Variants in PPARGC1A observed in about 807,000 individuals in gnomAD.
PPARGC1A encodes peroxisome proliferator-activated receptor gamma coactivator 1-alpha.
In PPARGC1A, 25 loss-of-function variants were observed where a neutral mutation model predicts 88.7. The ratio of observed to expected loss-of-function variants is 0.28; its 90% CI spans 0.21 to 0.39. The LOEUF (loss-of-function observed/expected upper bound fraction) is 0.39. PPARGC1A is among the 10% of genes least tolerant of loss of function. PPARGC1A has a pLI of 1.00. For synonymous variants in PPARGC1A, 363 were observed against 355.6 expected, an observed-to-expected ratio of 1.02 and a Z score of -0.24; for missense variants, 880 against 968.7, an observed-to-expected ratio of 0.91 and a Z score of 1.22.
chr4:24,059,717 C>T, the PPARGC1A span, among the ~76,000 whole-genome samples: 192 of 152,342 alleles, frequency 1.3e-3, 3 homozygotes, highest in East Asian at 0.035. Context: ...TTTCCAACCA[C>T]ATTCGCAATT....
the PPARGC1A span, among the ~76,000 whole-genome samples, chr4:24,140,736 T>C: frequency 0.026 from 3,994 of 152,288 alleles, 172 homozygotes; most frequent in African/African-American, 0.091. Context: ...TTCAAACCCC[T>C]AGTTCCTCAT....
chr4:24,384,100 T>A, the PPARGC1A span, among the ~76,000 whole-genome samples: 1 of 152,218 alleles, frequency 6.6e-6, no homozygotes, highest in Non-Finnish European at 1.5e-5. Context: ...AAGAAAAGAA[T>A]TTTCAACCCA....
chr4:24,146,585 C>G, the PPARGC1A span, among the ~76,000 whole-genome samples: 1 of 152,212 alleles, frequency 6.6e-6, no homozygotes, highest in Non-Finnish European at 1.5e-5. Context: ...TATTAAAGAT[C>G]CAATCTGCAT....
the PPARGC1A span, among the ~76,000 whole-genome samples, chr4:24,272,882 C>T: frequency 1.3e-5 from 2 of 152,176 alleles, no homozygotes; most frequent in Admixed American, 1.3e-4. Flanking sequence ...AGATCTAATT[C>T]ACAGGTGTGA....
the PPARGC1A span, among the ~76,000 whole-genome samples, chr4:24,291,798 A>G: frequency 9.2e-5 from 14 of 152,360 alleles, no homozygotes; most frequent in East Asian, 1.9e-3. Flanking sequence ...GAAGAAAACC[A>G]TAAGTCAGAG....
the PPARGC1A span, among the ~76,000 whole-genome samples, chr4:24,415,793 A>T: frequency 6.6e-6 from 1 of 152,242 alleles, no homozygotes; most frequent in Non-Finnish European, 1.5e-5. Flanking sequence ...AAATTTATGT[A>T]AAATGTTTTA....
the PPARGC1A span, among the ~76,000 whole-genome samples, chr4:24,188,342 T>C: frequency 1.3e-5 from 2 of 152,096 alleles, no homozygotes; most frequent in Admixed American, 6.5e-5. Context: ...AAGGACTCCA[T>C]CTTCACATCA....
At chr4:24,285,267 T>C in the PPARGC1A span, among the ~76,000 whole-genome samples, 2 of 152,220 alleles carry the variant, frequency 1.3e-5, no homozygotes, top group African/African-American at 4.8e-5. Context: ...CATCAAGTCC[T>C]CCTCTTTCAA....
chr4:24,304,907 G>A, the PPARGC1A span, among the ~76,000 whole-genome samples: 1 of 152,010 alleles, frequency 6.6e-6, no homozygotes, highest in African/African-American at 2.4e-5. Context: ...AAGCCAACTT[G>A]CTCATTCAAT....
the PPARGC1A span, among the ~76,000 whole-genome samples, chr4:24,379,962 A>T: frequency 6.6e-6 from 1 of 151,754 alleles, no homozygotes; most frequent in Non-Finnish European, 1.5e-5. Flanking sequence ...ATTTTTAGTA[A>T]AGACAGGGTT....
chr4:23,987,027 A>T, the PPARGC1A span, among the ~76,000 whole-genome samples: 3 of 152,096 alleles, frequency 2.0e-5, no homozygotes, highest in Non-Finnish European at 4.4e-5. Flanking sequence ...GTAAATCCCC[A>T]GGTATCTAGG....
the PPARGC1A span, among the ~76,000 whole-genome samples, chr4:24,246,706 C>T: frequency 6.6e-6 from 1 of 152,262 alleles, no homozygotes; most frequent in Non-Finnish European, 1.5e-5. Flanking sequence ...GAGATTGTAA[C>T]ACTAGTTGGT....
At chr4:24,450,725 T>G in the PPARGC1A span, among the ~76,000 whole-genome samples, 1 of 152,238 alleles carries the variant, frequency 6.6e-6, no homozygotes, top group Non-Finnish European at 1.5e-5. Context: ...CACTGCATAT[T>G]CAGTCTGGGC....
intron 10 of PPARGC1A, among the ~76,000 whole-genome samples, chr4:23,812,074 C>T (rs1353650566): frequency 5.3e-5 from 8 of 151,280 alleles, no homozygotes; most frequent in South Asian, 2.1e-4. Flanking sequence ...TGCACCACCA[C>T]GCCTGGCTAA....
chr4:24,213,136 A>G, the PPARGC1A span, among the ~76,000 whole-genome samples: 5 of 149,322 alleles, frequency 3.3e-5, no homozygotes, highest in Admixed American at 6.7e-5. Context: ...CCCGAGTCTC[A>G]GCTGGTCAGG....
At chr4:24,463,768 G>C in the PPARGC1A span, among the ~76,000 whole-genome samples, 1 of 152,166 alleles carries the variant, frequency 6.6e-6, no homozygotes, top group Admixed American at 6.5e-5. Flanking sequence ...TTATGGAAAG[G>C]AGAGCAATGG....
chr4:24,089,042 A>G, the PPARGC1A span, among the ~76,000 whole-genome samples: 15 of 152,372 alleles, frequency 9.8e-5, no homozygotes, highest in African/African-American at 3.6e-4. Context: ...TCACACACAT[A>G]CAACTCCTAG....
the PPARGC1A span, among the ~76,000 whole-genome samples, chr4:24,416,341 C>T: frequency 1.3e-5 from 2 of 151,714 alleles, no homozygotes; most frequent in African/African-American, 4.8e-5. Context: ...AAAGCAGTGA[C>T]CTCAAAAGAT....
At chr4:24,220,532 C>A in the PPARGC1A span, among the ~76,000 whole-genome samples, 2 of 152,132 alleles carry the variant, frequency 1.3e-5, no homozygotes, top group African/African-American at 4.8e-5. Flanking sequence ...CTATGGAATA[C>A]CACACAGCCA....
Sources: gnomAD v4.1 joint callset for allele counts (sites outside exome capture counted in the v4.1 genomes callset) on GRCh38, gnomAD v4.1.1 for gene constraint, MANE v1.5 for transcripts, NCBI Gene and HGNC (gene_info 2026-07-23, HGNC 2026-07-21) for gene names.